The following BCR variants were observed in gnomAD, a reference collection of about 807,000 sequenced individuals.
BCR encodes BCR activator of RhoGEF and GTPase, also known as breakpoint cluster region protein.
Under a neutral mutation model 138.6 loss-of-function variants are expected in BCR, and 58 were observed. The ratio of observed to expected loss-of-function variants is 0.42; its 90% confidence interval spans 0.34 to 0.52. The LOEUF (loss-of-function observed/expected upper bound fraction) is 0.52. Ranked by LOEUF, BCR falls within the 20% of genes least tolerant of loss-of-function variation. The pLI, the probability that BCR is intolerant of heterozygous loss-of-function variation, is 0.06. For synonymous variants in BCR, 786 were observed against 730.1 expected (o/e 1.08, Z -1.23); for missense variants, 1,599 against 1,727.2 (o/e 0.93, Z 1.32).
chr22:23,310,012 G>T (rs2073989881), intron 17 of BCR: 1 of 418,504 alleles, frequency 2.4e-6, no homozygotes, highest in Admixed American at 3.6e-5. Flanking sequence ...AGAATCACTG[G>T]AACCCAAGAG....
At chr22:23,224,724 A>G (rs961217680) in intron 1 of BCR, among the ~76,000 whole-genome samples, 1 of 152,130 alleles carries the variant, frequency 6.6e-6, no homozygotes, top group Non-Finnish European at 1.5e-5. Context: ...TCTACTAAGA[A>G]TACAAAAATC....
chr22:23,201,633 A>G (rs2072554975), intron 1 of BCR, among the ~76,000 whole-genome samples: 1 of 151,868 alleles, frequency 6.6e-6, no homozygotes, highest in Non-Finnish European at 1.5e-5. Context: ...AATTTTTTGT[A>G]TTTTTAGTAG....
chr22:23,209,272 AT>A (rs2072652645), intron 1 of BCR, among the ~76,000 whole-genome samples: 1 of 151,854 alleles, frequency 6.6e-6, no homozygotes, highest in Admixed American at 6.6e-5. Context: ...AGGCAGGAGA[AT>A]CGCTTGAGCC....
At position 23,250,507 on chromosome 22, in the gene BCR, C is replaced by A. The variant is rs542526596; in HGVS notation, c.1280-3292C>A. Among the ~76,000 whole-genome samples, 3 of 152,238 alleles carry A rather than the reference C, an allele frequency of 2.0e-5. No homozygotes were observed. In the South Asian group the frequency reaches 6.2e-4, roughly 32 times the overall value. ...CCCGACCAAAAACAAAACTAAGAAC[C>A]CATGAGTGTATTCTCTCCCTTGGGC... On this transcript the variant is annotated intron_variant, in intron 1 of 22. Transcript: ENST00000305877.
At position 23,314,567 on chromosome 22, in the gene BCR, G is replaced by T; in HGVS notation, c.3579G>T (p.Glu1193Asp). The T allele has an allele frequency of 6.2e-7, 1 of 1,611,984 alleles. No homozygotes were observed. Among genetic ancestry groups the T allele is most frequent in the South Asian group, 1.1e-5 (1 of 90,984 alleles). Residue 1193 changes from glutamate to aspartate, a missense_variant, in exon 22 of 23, where the codon GAG becomes GAT. Physicochemically the swap from Glu to Asp is conservative, Grantham distance 45. This residue lies in a region of BCR where 177 missense variants were observed against 226.4 expected (regional missense o/e 0.78). Coordinates refer to ENST00000305877, the MANE Select transcript of BCR (RefSeq NM_004327.4). ...TCCTCTACAGGGTGGCAGAGAAGGA[G>T]GCAGTCAATAAGATGTCCCTGCACA... ...LDHLKRVAEK[E>D]AVNKMSLHNL...
intron 1 of BCR, among the ~76,000 whole-genome samples, chr22:23,187,638 C>T (rs1250813540): frequency 3.3e-5 from 5 of 152,052 alleles, no homozygotes; most frequent in Non-Finnish European, 7.4e-5. Context: ...CCAGCCTCCT[C>T]CTTTTTCTTT....
At chr22:23,221,942 T>C (rs751335073) in intron 1 of BCR, among the ~76,000 whole-genome samples, 1 of 151,806 alleles carries the variant, frequency 6.6e-6, no homozygotes, top group East Asian at 1.9e-4. Flanking sequence ...AGACAAAAAA[T>C]TAGCTGGGCG....
chr22:23,199,917 T>A (rs2072531200), intron 1 of BCR, among the ~76,000 whole-genome samples: 1 of 151,862 alleles, frequency 6.6e-6, no homozygotes, highest in East Asian at 1.9e-4. Flanking sequence ...ACCCCGTCTC[T>A]ACTAAAAATA....
chr22:23,290,249 C>T, intron 13 of BCR, 90 bp from the exon 14 acceptor site: 1 of 1,331,880 alleles, frequency 7.5e-7, no homozygotes, highest in Non-Finnish European at 1.1e-6. Flanking sequence ...ACAGTGTCCA[C>T]CGGATGGTTG....
chr22:23,263,063 G>T, intron 4 of BCR: 1 of 726,154 alleles, frequency 1.4e-6, no homozygotes, highest in Non-Finnish European at 2.1e-6. Flanking sequence ...GGCGGCGGGA[G>T]GGCGCCAGGC....
At chr22:23,265,472 G>T (rs763345993) in intron 4 of BCR, among the ~76,000 whole-genome samples, 1 of 152,186 alleles carries the variant, frequency 6.6e-6, no homozygotes, top group African/African-American at 2.4e-5. Flanking sequence ...TCCCAGCTCC[G>T]GTGCCTCTTC....
chr22:23,204,806 G>T (rs938367918), intron 1 of BCR, among the ~76,000 whole-genome samples: 2 of 152,196 alleles, frequency 1.3e-5, no homozygotes, highest in African/African-American at 2.4e-5. Context: ...CCGCGTGGAT[G>T]GGGGAGACGG....
intron 14 of BCR, chr22:23,290,702 TGACA>T: frequency 2.3e-6 from 1 of 429,952 alleles, no homozygotes; most frequent in Non-Finnish European, 4.4e-6. Context: ...GCAAGGACTT[TGACA>T]GACATCCCCA....
chr22:23,214,846 A>T (rs151078442), intron 1 of BCR, among the ~76,000 whole-genome samples: 7 of 152,340 alleles, frequency 4.6e-5, no homozygotes, highest in African/African-American at 1.7e-4. Context: ...TTACCACTTC[A>T]GCCATTTTTA....
At chr22:23,239,705 G>GA (rs968172679) in intron 1 of BCR, among the ~76,000 whole-genome samples, 1 of 152,202 alleles carries the variant, frequency 6.6e-6, no homozygotes, top group African/African-American at 2.4e-5. Context: ...CTGACGACTG[G>GA]AAATATGAGA....
intron 1 of BCR, among the ~76,000 whole-genome samples, chr22:23,245,017 CCACACTGAGG>C (rs1474381207): frequency 1.3e-5 from 2 of 152,004 alleles, no homozygotes; most frequent in Non-Finnish European, 2.9e-5. Flanking sequence ...TCTCCTCTGC[CCACACTGAGG>C]CACACTCGGC....
intron 1 of BCR, among the ~76,000 whole-genome samples, chr22:23,251,879 G>C (rs1033493536): frequency 6.6e-6 from 1 of 152,210 alleles, no homozygotes; most frequent in Admixed American, 6.5e-5. Context: ...GAAGATCCTT[G>C]TGGGTTGACA....
In BCR at chr22:23,287,157, A is replaced by C; in HGVS notation, c.2407-2A>C. On this transcript the variant is annotated splice_acceptor_variant, in intron 10 of 22. Transcript: ENST00000305877. LOFTEE classifies it high-confidence loss of function. Reference sequence around the variant, plus strand: ...AGGTGAGGCTGTGGCATCTCCCCACAGAGGGCGAACAAGGGCAGCAAGGCT... The same window carrying C: ...AGGTGAGGCTGTGGCATCTCCCCACCGAGGGCGAACAAGGGCAGCAAGGCT... 1 of 1,578,028 alleles carries C rather than the reference A, an allele frequency of 6.3e-7. No individual in the cohort carries two copies. Among genetic ancestry groups the C allele is most frequent in the Non-Finnish European group, 8.6e-7 (1 of 1,161,182 alleles).
At chr22:23,203,315 AT>A (rs1307629272) in intron 1 of BCR, among the ~76,000 whole-genome samples, 7 of 151,972 alleles carry the variant, frequency 4.6e-5, no homozygotes, top group African/African-American at 1.7e-4. Flanking sequence ...CCTTGGCTTT[AT>A]GGTTAACTGC....
Sources: gnomAD v4.1 joint callset for allele counts (sites outside exome capture counted in the v4.1 genomes callset) on GRCh38, gnomAD v4.1.1 for gene constraint, gnomAD v4.1.1 regional missense constraint, MANE v1.5 for transcripts, NCBI Gene and HGNC (gene_info 2026-07-23, HGNC 2026-07-21) for gene names.